The following ZFAT variants were observed in gnomAD, a reference collection of about 807,000 sequenced individuals.
ZFAT encodes the protein zinc finger protein ZFAT.
A neutral mutation model predicts 117.7 loss-of-function variants in ZFAT; 64 were observed. That is an observed-to-expected ratio of 0.54 (90% CI 0.44 to 0.67). The LOEUF (loss-of-function observed/expected upper bound fraction) is 0.67, where lower values mean the gene tolerates loss of function less well. Among genes scored for constraint, ZFAT ranks in the 30% least tolerant of loss-of-function variants. The pLI, the probability that ZFAT is intolerant of heterozygous loss-of-function variation, is 0.00. For missense variants in ZFAT, 1,433 were observed against 1,584.5 expected (o/e 0.90, Z 1.62); for synonymous variants, 679 against 615.0 (o/e 1.10, Z -1.54).
intron 15 of ZFAT, among the ~76,000 whole-genome samples, chr8:134,480,163 C>T (rs1296036863): frequency 1.3e-5 from 2 of 152,188 alleles, no homozygotes; most frequent in Admixed American, 6.5e-5. Flanking sequence ...GGTTTCTCCA[C>T]ATTGCACAAG....
the ZFAT span, among the ~76,000 whole-genome samples, chr8:134,721,223 C>T: frequency 6.6e-6 from 1 of 152,186 alleles, no homozygotes; most frequent in Non-Finnish European, 1.5e-5. Flanking sequence ...GTGTTCTACC[C>T]AGGACGGGCC....
intron 7 of ZFAT, among the ~76,000 whole-genome samples, chr8:134,595,355 G>A (rs1170555634): frequency 6.6e-6 from 1 of 151,152 alleles, no homozygotes; most frequent in African/African-American, 2.4e-5. Context: ...TTTTTTTTGA[G>A]AGACAGAGAG....
At chr8:134,814,887 T>C in the ZFAT span, among the ~76,000 whole-genome samples, 9 of 152,234 alleles carry the variant, frequency 5.9e-5, no homozygotes, top group Admixed American at 3.9e-4. Flanking sequence ...GATGTCACTA[T>C]CTTCTCTCAT....
intron 2 of ZFAT, among the ~76,000 whole-genome samples, chr8:134,655,250 T>C (rs1264914389): frequency 6.6e-6 from 1 of 152,200 alleles, no homozygotes; most frequent in Non-Finnish European, 1.5e-5. Flanking sequence ...CTAATGCTGG[T>C]TAGGCGTGGA....
chr8:134,794,998 C>G, the ZFAT span: 1 of 152,084 alleles, frequency 6.6e-6, no homozygotes, highest in African/African-American at 2.4e-5. Flanking sequence ...ATTTTTTTAA[C>G]AGAGAACTAT....
intron 2 of ZFAT, among the ~76,000 whole-genome samples, chr8:134,645,502 AG>A (rs996331359): frequency 6.6e-6 from 1 of 152,214 alleles, no homozygotes; most frequent in African/African-American, 2.4e-5. Context: ...CACACAAAAA[AG>A]AAAACATACG....
At chr8:134,595,932 A>C (rs1177176844) in intron 7 of ZFAT, among the ~76,000 whole-genome samples, 2 of 152,184 alleles carry the variant, frequency 1.3e-5, no homozygotes, top group Non-Finnish European at 2.9e-5. Flanking sequence ...GCTACTTTTA[A>C]TCTCCTTTGT....
At chr8:134,738,908 C>T in the ZFAT span, among the ~76,000 whole-genome samples, 2 of 152,204 alleles carry the variant, frequency 1.3e-5, no homozygotes, top group African/African-American at 4.8e-5. Flanking sequence ...AGAACCTGTG[C>T]TCAGAAGCAA....
chr8:134,753,259 A>G, the ZFAT span, among the ~76,000 whole-genome samples: 1 of 135,090 alleles, frequency 7.4e-6, no homozygotes, highest in Middle Eastern at 3.5e-3. Flanking sequence ...AAACCTATCT[A>G]TTTTGGGGGG....
intron 5 of ZFAT, among the ~76,000 whole-genome samples, chr8:134,605,596 G>C (rs1429731045): frequency 2.0e-5 from 3 of 151,524 alleles, no homozygotes; most frequent in Non-Finnish European, 4.4e-5. Flanking sequence ...AACTTTAAGA[G>C]GTCCTACTCC....
rs181748746 is a variant in ZFAT at position 134,617,303 on chromosome 8, T to A, written c.449-6648A>T. ...AACCCCTACCTCCACATTCTCCCAA[T>A]GAACAAAGCCCTCCTCCTATGTTGG... On this transcript the variant is annotated intron_variant, in intron 3 of 15. Transcript: ENST00000377838. Among the ~76,000 whole-genome samples the A allele has an allele frequency of 3.4e-4, 52 of 152,300 alleles. 1 individual carries two copies. In the South Asian group the frequency reaches 7.7e-3, roughly 22 times the overall value.
intron 1 of ZFAT, among the ~76,000 whole-genome samples, chr8:134,675,911 A>T (rs1439763281): frequency 1.3e-5 from 2 of 152,180 alleles, no homozygotes; most frequent in Non-Finnish European, 2.9e-5. Flanking sequence ...TTTTGTCACC[A>T]CCAGGCCTGC....
At chr8:134,779,378 C>A in the ZFAT span, among the ~76,000 whole-genome samples, 1 of 151,720 alleles carries the variant, frequency 6.6e-6, no homozygotes, top group East Asian at 1.9e-4. Context: ...AAACAGGTAA[C>A]CACAATGTGG....
At chr8:134,585,611 G>A (rs1360342676) in intron 9 of ZFAT, among the ~76,000 whole-genome samples, 2 of 152,122 alleles carry the variant, frequency 1.3e-5, no homozygotes, top group Non-Finnish European at 2.9e-5. Flanking sequence ...CCCACCCACG[G>A]GCCGGCTGTG....
chr8:134,586,287 TCTTTA>T (rs758324743), intron 9 of ZFAT, among the ~76,000 whole-genome samples: 5 of 152,230 alleles, frequency 3.3e-5, no homozygotes, highest in African/African-American at 7.2e-5. Flanking sequence ...TCATCACAAG[TCTTTA>T]CTTAACACAA....
In ZFAT at chr8:134,583,824, T is replaced by C. The variant is rs930514044; in HGVS notation, c.2887+8A>G. 6.2e-7 allele frequency: 1 copy of C among 1,613,116 alleles called. No homozygotes were observed. The highest frequency in any genetic ancestry group is 1.3e-5 in the African/African-American group (1 of 74,926). On this transcript the variant is annotated splice_region_variant and intron_variant, in intron 10 of 15. Transcript: ENST00000377838. Reference sequence around the variant, plus strand: ...GAGGGGAAAGTTCACCTTGGGCCATTTACTCACCATCTGCAGTGTGAAGGA... The same window carrying C: ...GAGGGGAAAGTTCACCTTGGGCCATCTACTCACCATCTGCAGTGTGAAGGA...
intron 1 of ZFAT, among the ~76,000 whole-genome samples, chr8:134,686,745 GC>G (rs1388025024): frequency 2.0e-5 from 3 of 152,092 alleles, no homozygotes; most frequent in Admixed American, 2.0e-4. Context: ...TTAGTGCCTG[GC>G]CCCTCAGAGG....
At chr8:134,479,805 GC>G (rs1447562678) in intron 15 of ZFAT, among the ~76,000 whole-genome samples, 1 of 152,098 alleles carries the variant, frequency 6.6e-6, no homozygotes, top group African/African-American at 2.4e-5. Context: ...AGACACTTTT[GC>G]CCACAACCTT....
At chr8:134,517,125 G>A (rs1270137044) in intron 13 of ZFAT, among the ~76,000 whole-genome samples, 1 of 151,998 alleles carries the variant, frequency 6.6e-6, no homozygotes, top group Non-Finnish European at 1.5e-5. Flanking sequence ...TTGCCCTTAG[G>A]TTACATCCCA....
Sources: allele counts gnomAD v4.1 joint callset (sites outside exome capture counted in the v4.1 genomes callset), GRCh38; gene constraint gnomAD v4.1.1; transcripts MANE v1.5; gene names NCBI Gene and HGNC (gene_info 2026-07-23, HGNC 2026-07-21).